Variants in CDKAL1 observed in about 807,000 individuals in gnomAD.
CDKAL1 encodes the protein CDKAL1 threonylcarbamoyladenosine tRNA methylthiotransferase.
Under a neutral mutation model 68.2 loss-of-function variants are expected in CDKAL1, and 32 were observed. That is an observed-to-expected ratio of 0.47 (90% CI 0.35 to 0.63). CDKAL1 has a LOEUF of 0.63. Ranked by LOEUF, CDKAL1 falls within the 30% of genes least tolerant of loss-of-function variation. The probability of loss-of-function intolerance (pLI) is 0.00; values close to 1 mark genes in which losing one functional copy is unlikely to be tolerated. For missense variants in CDKAL1, 606 were observed against 696.7 expected, an observed-to-expected ratio of 0.87 and a Z score of 1.47; for synonymous variants, 234 against 244.3, an observed-to-expected ratio of 0.96 and a Z score of 0.39.
chr6:20,558,809 A>C (rs1474566629), intron 4 of CDKAL1: 1 of 348,018 alleles, frequency 2.9e-6, no homozygotes, highest in African/African-American at 2.2e-5. Flanking sequence ...AAAAGTCGAC[A>C]TAAGAGAATT....
At chr6:20,841,195 C>A (rs1778160022) in intron 8 of CDKAL1, among the ~76,000 whole-genome samples, 2 of 152,184 alleles carry the variant, frequency 1.3e-5, no homozygotes, top group African/African-American at 4.8e-5. Flanking sequence ...AAAAACAAAT[C>A]ATGATTAAAT....
At chr6:20,602,346 C>G (rs1165753857) in intron 4 of CDKAL1, among the ~76,000 whole-genome samples, 2 of 152,072 alleles carry the variant, frequency 1.3e-5, no homozygotes, top group African/African-American at 4.8e-5. Context: ...TAAGTTTTTT[C>G]CCTCTTTTTC....
chr6:20,870,239 C>T (rs1477558355), intron 9 of CDKAL1, among the ~76,000 whole-genome samples: 1 of 152,184 alleles, frequency 6.6e-6, no homozygotes, highest in Non-Finnish European at 1.5e-5. Flanking sequence ...CTGCTGCCAT[C>T]TGAATTTCCC....
chr6:20,981,563 C>T (rs958879396), intron 10 of CDKAL1, among the ~76,000 whole-genome samples: 10 of 152,078 alleles, frequency 6.6e-5, no homozygotes, highest in Admixed American at 6.5e-4. Flanking sequence ...TTGATGAGGC[C>T]GGGCACAGTG....
chr6:20,709,076 C>T (rs917330330), intron 5 of CDKAL1, among the ~76,000 whole-genome samples: 3 of 151,706 alleles, frequency 2.0e-5, no homozygotes, highest in African/African-American at 4.8e-5. Flanking sequence ...CTTTTTTTTA[C>T]GACTGTATCC....
intron 8 of CDKAL1, among the ~76,000 whole-genome samples, chr6:20,786,195 A>G (rs1775664611): frequency 6.6e-6 from 1 of 152,214 alleles, no homozygotes. Context: ...ACTGCACTCC[A>G]GCCTGGGTGA....
chr6:20,907,955 C>T (rs185231485), intron 9 of CDKAL1, among the ~76,000 whole-genome samples: 16 of 152,284 alleles, frequency 1.1e-4, no homozygotes, highest in African/African-American at 3.4e-4. Flanking sequence ...GAGCTGGGAA[C>T]GCTGACATCC....
chr6:20,628,519 A>C (rs939536576), intron 4 of CDKAL1, among the ~76,000 whole-genome samples: 5 of 152,186 alleles, frequency 3.3e-5, no homozygotes, highest in Non-Finnish European at 4.4e-5. Context: ...ACATAATTAC[A>C]TGTGACTATT....
intron 4 of CDKAL1, among the ~76,000 whole-genome samples, chr6:20,627,431 A>G (rs958002985): frequency 2.0e-5 from 3 of 152,200 alleles, no homozygotes; most frequent in Non-Finnish European, 2.9e-5. Flanking sequence ...ACAATCTGCT[A>G]TACTTATTTA....
chr6:20,832,417 G>T (rs1777753687), intron 8 of CDKAL1, among the ~76,000 whole-genome samples: 1 of 151,424 alleles, frequency 6.6e-6, no homozygotes, highest in Non-Finnish European at 1.5e-5. Context: ...TAGAAAGATT[G>T]CAAATTCAAA....
intron 4 of CDKAL1, among the ~76,000 whole-genome samples, chr6:20,603,463 T>G (rs963499188): frequency 3.9e-5 from 6 of 152,228 alleles, no homozygotes; most frequent in Admixed American, 3.3e-4. Context: ...TACCAACTTC[T>G]GTTCCATTGC....
intron 11 of CDKAL1, among the ~76,000 whole-genome samples, chr6:21,062,906 TTTTGTTTG>T (rs144378685): frequency 4.6e-5 from 7 of 151,374 alleles, no homozygotes; most frequent in South Asian, 2.1e-4. Context: ...TAGAACTGTT[TTTTGTTTG>T]TTTGTTTGTT....
chr6:20,614,597 A>G (rs772226940), intron 4 of CDKAL1, among the ~76,000 whole-genome samples: 2 of 152,292 alleles, frequency 1.3e-5, no homozygotes, highest in East Asian at 3.9e-4. Flanking sequence ...AGTAGAGGGA[A>G]TAGCTCAGCA....
At chr6:20,605,970 T>G (rs898442452) in intron 4 of CDKAL1, among the ~76,000 whole-genome samples, 1 of 152,190 alleles carries the variant, frequency 6.6e-6, no homozygotes, top group Non-Finnish European at 1.5e-5. Flanking sequence ...TTCTTAACTC[T>G]GTCTTAGTGC....
intron 4 of CDKAL1, among the ~76,000 whole-genome samples, chr6:20,619,844 G>C (rs979268449): frequency 6.6e-6 from 1 of 152,080 alleles, no homozygotes; most frequent in Admixed American, 6.6e-5. Context: ...TGAAATTTCT[G>C]TGTTTCGCTT....
At chr6:21,056,287 T>C (rs113847254) in intron 11 of CDKAL1, among the ~76,000 whole-genome samples, 15 of 152,320 alleles carry the variant, frequency 9.8e-5, no homozygotes, top group African/African-American at 3.4e-4. Context: ...TTGAGGCAAT[T>C]GTGAATGGGT....
At chr6:21,146,721 G>A (rs1027647036) in intron 13 of CDKAL1, among the ~76,000 whole-genome samples, 2 of 151,790 alleles carry the variant, frequency 1.3e-5, no homozygotes, top group African/African-American at 2.4e-5. Context: ...CGTGGTGGTG[G>A]GCACCTGTAG....
At chr6:20,933,269 T>G (rs1174118633) in intron 9 of CDKAL1, among the ~76,000 whole-genome samples, 1 of 152,226 alleles carries the variant, frequency 6.6e-6, no homozygotes, top group East Asian at 1.9e-4. Context: ...GGCAATAAGA[T>G]AATTGTTTTG....
intron 7 of CDKAL1, among the ~76,000 whole-genome samples, chr6:20,775,330 T>G (rs1205038510): frequency 1.3e-5 from 2 of 152,202 alleles, no homozygotes; most frequent in Non-Finnish European, 2.9e-5. Context: ...TGTTTTGCTT[T>G]CTTTCTTTTC....
Sources: allele counts gnomAD v4.1 joint callset (sites outside exome capture counted in the v4.1 genomes callset), GRCh38; gene constraint gnomAD v4.1.1; transcripts MANE v1.5; gene names NCBI Gene and HGNC (gene_info 2026-07-23, HGNC 2026-07-21).